Variants in TSPAN5 observed in about 807,000 individuals in gnomAD.
TSPAN5 encodes tetraspanin-5.
Under a neutral mutation model 37.1 loss-of-function variants are expected in TSPAN5, and 10 were observed. That is an observed-to-expected ratio of 0.27 (90% CI 0.17 to 0.46). The LOEUF is 0.46. TSPAN5 is among the 20% of genes least tolerant of loss of function. The pLI is 1.00. For synonymous variants in TSPAN5, 110 were observed against 118.9 expected (o/e 0.93, Z 0.48); for missense variants, 195 against 326.6 (o/e 0.60, Z 3.11).
At chr4:98,494,889 T>C (rs967876313) in intron 2 of TSPAN5, among the ~76,000 whole-genome samples, 2 of 152,002 alleles carry the variant, frequency 1.3e-5, no homozygotes, top group African/African-American at 4.8e-5. Context: ...TTGGAAATAA[T>C]CTAAGACATG....
chr4:98,602,566 A>C (rs1056309746), intron 1 of TSPAN5, among the ~76,000 whole-genome samples: 1 of 152,176 alleles, frequency 6.6e-6, no homozygotes, highest in African/African-American at 2.4e-5. Context: ...CACAGCTCTC[A>C]TATCAACCCT....
At chr4:98,575,288 A>C (rs557624282) in intron 1 of TSPAN5, among the ~76,000 whole-genome samples, 3 of 152,056 alleles carry the variant, frequency 2.0e-5, no homozygotes, top group Admixed American at 2.0e-4. Context: ...TCTCTCTCAG[A>C]TTTATACATA....
In TSPAN5 at chr4:98,658,393, T is replaced by G; in HGVS notation, c.-167A>C. ...CGGGGACCGACCGGCGGAGAGCGGC[T>G]CCCGCACCTCCAGCCCCTCGCGCGC... On this transcript the variant is annotated 5_prime_UTR_variant, in exon 1 of 8. Transcript: ENST00000305798. 1 of 440,002 alleles carries G rather than the reference T, an allele frequency of 2.3e-6. No homozygotes were observed. Among genetic ancestry groups the G allele is most frequent in the Admixed American group, 4.6e-5 (1 of 21,628 alleles). The allele number at this position is 440,002 out of a possible 1,614,324, so 27.3% of individuals were successfully genotyped here. A position where few individuals can be genotyped will look rare whatever the true frequency, so the allele number is the denominator to read the frequency against.
At chr4:98,503,611 CAG>C (rs1475830987) in intron 2 of TSPAN5, among the ~76,000 whole-genome samples, 3 of 152,198 alleles carry the variant, frequency 2.0e-5, no homozygotes, top group Non-Finnish European at 2.9e-5. Context: ...CCTAAAGAGA[CAG>C]AAATGCTGAG....
intron 1 of TSPAN5, among the ~76,000 whole-genome samples, chr4:98,585,325 T>C (rs2110200551): frequency 6.6e-6 from 1 of 152,214 alleles, no homozygotes; most frequent in African/African-American, 2.4e-5. Context: ...CTCTCTTTTT[T>C]TTTTGAGGCA....
At chr4:98,570,631 CA>C (rs1470683030) in intron 1 of TSPAN5, among the ~76,000 whole-genome samples, 2 of 152,090 alleles carry the variant, frequency 1.3e-5, no homozygotes, top group Non-Finnish European at 2.9e-5. Flanking sequence ...GACACAAACG[CA>C]GTGTCTGAGC....
chr4:98,649,069 A>C (rs901098376), intron 1 of TSPAN5, among the ~76,000 whole-genome samples: 3 of 152,184 alleles, frequency 2.0e-5, no homozygotes, highest in Middle Eastern at 3.2e-3. Flanking sequence ...AAAAACCCAC[A>C]CGAGGAGTAA....
intron 1 of TSPAN5, among the ~76,000 whole-genome samples, chr4:98,587,313 C>T (rs1312502977): frequency 6.6e-6 from 1 of 152,172 alleles, no homozygotes; most frequent in East Asian, 1.9e-4. Context: ...GCTTAAACCC[C>T]GTGGTATCCA....
At chr4:98,598,156 C>T (rs529459092) in intron 1 of TSPAN5, among the ~76,000 whole-genome samples, 1 of 130,580 alleles carries the variant, frequency 7.7e-6, no homozygotes, top group South Asian at 2.6e-4. Context: ...ATTTCTTAAG[C>T]CAGTCTGAAA....
At chr4:98,505,434 G>A (rs553067977) in intron 2 of TSPAN5, among the ~76,000 whole-genome samples, 1 of 152,186 alleles carries the variant, frequency 6.6e-6, no homozygotes, top group South Asian at 2.1e-4. Flanking sequence ...CTGCCTCAGG[G>A]CCACTGCACT....
intron 1 of TSPAN5, among the ~76,000 whole-genome samples, chr4:98,551,492 C>CTTTTTTTTTT (rs35415457): frequency 8.7e-5 from 8 of 92,234 alleles, no homozygotes; most frequent in African/African-American, 1.7e-4. Context: ...TTTTTCTTTT[C>CTTTTTTTTTT]TTTTTTTTTT....
At chr4:98,545,652 C>CT (rs1447812222) in intron 1 of TSPAN5, among the ~76,000 whole-genome samples, 1 of 152,130 alleles carries the variant, frequency 6.6e-6, no homozygotes, top group East Asian at 1.9e-4. Context: ...ACCTCAGCCT[C>CT]TCAAGTAGCT....
chr4:98,478,678 C>CACTT lies in TSPAN5; in HGVS notation c.576+3_576+6dup. On this transcript the variant is annotated splice_region_variant and intron_variant, in intron 5 of 7. Transcript: ENST00000305798. ...AGTAGGCCAATAGTTCGCTGGCATTCACTTACTGCGGGATCTTTAGTGCAG... is the reference window on the plus strand; with the variant it reads ...AGTAGGCCAATAGTTCGCTGGCATTCACTTACTTACTGCGGGATCTTTAGTGCAG... 1 of 1,614,186 alleles carries CACTT rather than the reference C, an allele frequency of 6.2e-7. No homozygotes were observed. The highest frequency in any genetic ancestry group is 8.5e-7 in the Non-Finnish European group (1 of 1,180,032).
intron 1 of TSPAN5, among the ~76,000 whole-genome samples, chr4:98,570,206 C>T (rs1755089615): frequency 6.6e-6 from 1 of 152,136 alleles, no homozygotes; most frequent in African/African-American, 2.4e-5. Context: ...AATTTTACTT[C>T]CTTTCACCCT....
At chr4:98,606,422 G>A (rs964726782) in intron 1 of TSPAN5, among the ~76,000 whole-genome samples, 6 of 152,142 alleles carry the variant, frequency 3.9e-5, no homozygotes, top group Non-Finnish European at 8.8e-5. Context: ...GGAAGGTTAC[G>A]GAAACATCTT....
intron 2 of TSPAN5, among the ~76,000 whole-genome samples, chr4:98,505,810 A>C (rs557583875): frequency 6.6e-6 from 1 of 152,080 alleles, no homozygotes; most frequent in Non-Finnish European, 1.5e-5. Context: ...TGCTGCCTCT[A>C]TTTGTTCCCT....
At chr4:98,601,254 C>A (rs1027439860) in intron 1 of TSPAN5, among the ~76,000 whole-genome samples, 2 of 152,200 alleles carry the variant, frequency 1.3e-5, no homozygotes, top group Admixed American at 6.5e-5. Flanking sequence ...TAGCCCCTAA[C>A]AAGGGAGTCA....
In TSPAN5 at chr4:98,658,336, G is replaced by A. The variant is rs1346615555; in HGVS notation, c.-110C>T. On this transcript the variant is annotated 5_prime_UTR_variant, in exon 1 of 8. Coordinates refer to ENST00000305798, the MANE Select transcript of TSPAN5 (RefSeq NM_005723.4). ...CAGGAGCTCAGGGACACCGCACGGG[G>A]CCGCGGCGCTGGCGGCCTGGGCTCA... The A allele has an allele frequency of 3.3e-6, 3 of 895,910 alleles. No individual in the cohort carries two copies. In the Admixed American group the frequency reaches 5.9e-5, roughly 18 times the overall value. The allele number at this position is 895,910 out of a possible 1,614,324, so 55.5% of individuals were successfully genotyped here.
chr4:98,489,968 C>A (rs956204235), intron 2 of TSPAN5, among the ~76,000 whole-genome samples: 9 of 152,136 alleles, frequency 5.9e-5, no homozygotes, highest in African/African-American at 2.2e-4. Flanking sequence ...CTGAGAAATA[C>A]GGGATTCCCC....
Sources: allele counts gnomAD v4.1 joint callset (sites outside exome capture counted in the v4.1 genomes callset), GRCh38; gene constraint gnomAD v4.1.1; transcripts MANE v1.5; gene names NCBI Gene and HGNC (gene_info 2026-07-23, HGNC 2026-07-21).